SAMD8: variants seen among roughly 807,000 people sequenced by gnomAD.
The protein encoded by SAMD8 is sterile alpha motif domain containing 8, also known as sphingomyelin synthase-related protein 1.
A neutral mutation model predicts 42.0 loss-of-function variants in SAMD8; 20 were observed. The observed-to-expected ratio is 0.48, with a 90% confidence interval of 0.34 to 0.69. The LOEUF (loss-of-function observed/expected upper bound fraction) is 0.69. Ranked by LOEUF, SAMD8 falls within the 30% of genes least tolerant of loss-of-function variation. The pLI is 0.01. For synonymous variants in SAMD8, 162 were observed against 173.0 expected (o/e 0.94, Z 0.50); for missense variants, 328 against 511.6 (o/e 0.64, Z 3.46).
intron 1 of SAMD8, among the ~76,000 whole-genome samples, chr10:75,131,903 A>G (rs1411636063): frequency 6.6e-6 from 1 of 152,156 alleles, no homozygotes; most frequent in Non-Finnish European, 1.5e-5. Context: ...GGAGCTTTTT[A>G]AAAAATGCAG....
chr10:75,174,136 C>T (rs536102294), intron 4 of SAMD8, among the ~76,000 whole-genome samples: 29 of 152,024 alleles, frequency 1.9e-4, no homozygotes, highest in African/African-American at 7.0e-4. Flanking sequence ...TTTTTTGAGA[C>T]GGAGTCTCGC....
chr10:75,107,994 C>T (rs1291636623), upstream of SAMD8: 2 of 1,611,094 alleles, frequency 1.2e-6, no homozygotes, highest in South Asian at 1.1e-5. Context: ...AGTCCTACCC[C>T]CAGGCGTGTT....
At chr10:75,166,631 T>G (rs1420495859) in intron 3 of SAMD8, among the ~76,000 whole-genome samples, 2 of 152,192 alleles carry the variant, frequency 1.3e-5, no homozygotes, top group Non-Finnish European at 2.9e-5. Flanking sequence ...AGCCATATTC[T>G]CTCCCATTTT....
chr10:75,146,202 TG>T (rs1327134290), intron 1 of SAMD8, among the ~76,000 whole-genome samples: 1 of 150,534 alleles, frequency 6.6e-6, no homozygotes, highest in African/African-American at 2.4e-5. Context: ...GGCCGTAACC[TG>T]GGGCAGTAGG....
chr10:75,134,687 A>G (rs966209779), intron 1 of SAMD8, among the ~76,000 whole-genome samples: 2 of 152,152 alleles, frequency 1.3e-5, no homozygotes, highest in African/African-American at 4.8e-5. Context: ...TTTCTGTTGT[A>G]CAGTAGGGTG....
intron 1 of SAMD8, chr10:75,126,009 C>T (rs371630997): frequency 1.4e-4 from 21 of 152,178 alleles, no homozygotes; most frequent in African/African-American, 4.1e-4. Context: ...TTGTTATTCC[C>T]CTGTGCCTTT....
At chr10:75,124,986 G>A (rs897641140) in intron 1 of SAMD8, among the ~76,000 whole-genome samples, 3 of 151,628 alleles carry the variant, frequency 2.0e-5, no homozygotes, top group Non-Finnish European at 4.4e-5. Flanking sequence ...GGGATTTCAC[G>A]ATGTTGCCCA....
Position 75,177,046 on chromosome 10 carries a change from G to T in SAMD8, c.*354G>T, listed in dbSNP as rs1279974170. 5.5e-6 allele frequency: 1 copy of T among 181,734 alleles called. No individual in the cohort carries two copies. Among genetic ancestry groups the T allele is most frequent in the South Asian group, 1.5e-4 (1 of 6,724 alleles). The allele number at this position is 181,734 out of a possible 1,614,324, so 11.3% of individuals were successfully genotyped here. On this transcript the variant is annotated 3_prime_UTR_variant, in exon 6 of 6. Coordinates refer to ENST00000542569, the MANE Select transcript of SAMD8 (RefSeq NM_001174156.2). ...GTTGAGGAATTTTCATTGATTTCCAGTAGGGCTCTAGTCAAGAAATAATAT... is the reference window on the plus strand; with the variant it reads ...GTTGAGGAATTTTCATTGATTTCCATTAGGGCTCTAGTCAAGAAATAATAT...
At chr10:75,141,309 G>A (rs1197664557) in intron 1 of SAMD8, among the ~76,000 whole-genome samples, 5 of 150,932 alleles carry the variant, frequency 3.3e-5, no homozygotes, top group African/African-American at 4.9e-5. Flanking sequence ...AGCCGAGATC[G>A]TGCCACTGCA....
At chr10:75,128,353 G>A (rs1289785678) in intron 1 of SAMD8, among the ~76,000 whole-genome samples, 6 of 152,122 alleles carry the variant, frequency 3.9e-5, no homozygotes, top group South Asian at 2.1e-4. Flanking sequence ...GATTACAGGC[G>A]TGAGCCACCG....
chr10:75,111,594 C>A, upstream of SAMD8: 1 of 1,251,088 alleles, frequency 8.0e-7, no homozygotes, highest in Non-Finnish European at 1.0e-6. Context: ...CTCCGGCTCC[C>A]CGCCCCGGGC....
intron 2 of SAMD8, among the ~76,000 whole-genome samples, chr10:75,155,162 G>A (rs1589964717): frequency 6.6e-6 from 1 of 152,268 alleles, no homozygotes; most frequent in East Asian, 1.9e-4. Context: ...AAAGCACTGG[G>A]ATTGTAGGTG....
At chr10:75,160,402 T>A (rs1425618554) in intron 2 of SAMD8, among the ~76,000 whole-genome samples, 1 of 151,744 alleles carries the variant, frequency 6.6e-6, no homozygotes, top group African/African-American at 2.4e-5. Context: ...GGGACGGGGT[T>A]TCACTGTGTT....
intron 1 of SAMD8, among the ~76,000 whole-genome samples, chr10:75,122,519 A>C (rs1849027177): frequency 6.6e-6 from 1 of 151,916 alleles, no homozygotes; most frequent in South Asian, 2.1e-4. Flanking sequence ...AGGCTGAGGC[A>C]TGAGAATCAC....
At chr10:75,125,878 G>A (rs1266901907) in intron 1 of SAMD8, 3 of 152,152 alleles carry the variant, frequency 2.0e-5, no homozygotes, top group African/African-American at 4.8e-5. Context: ...ATAAGGAGCC[G>A]ACTCCTTAAG....
At chr10:75,120,206 A>C (rs1367067704) in intron 1 of SAMD8, among the ~76,000 whole-genome samples, 1 of 152,220 alleles carries the variant, frequency 6.6e-6, no homozygotes, top group East Asian at 1.9e-4. Context: ...CAATTCCCAA[A>C]CTGTACAGAA....
At chr10:75,127,081 C>T (rs928817186) in intron 1 of SAMD8, among the ~76,000 whole-genome samples, 6 of 149,950 alleles carry the variant, frequency 4.0e-5, no homozygotes, top group Admixed American at 2.7e-4. Flanking sequence ...CCCAACTACT[C>T]GGGAGGCTGA....
chr10:75,106,010 C>T (rs1848479743), intron 1 of SAMD8: 8 of 733,392 alleles, frequency 1.1e-5, no homozygotes, highest in African/African-American at 1.8e-5. Context: ...TTATGGACCT[C>T]AGTTTCCTGA....
chr10:75,108,734 T>C (rs2134401864), upstream of SAMD8, among the ~76,000 whole-genome samples: 1 of 152,322 alleles, frequency 6.6e-6, no homozygotes, highest in South Asian at 2.1e-4. Flanking sequence ...CCTGGGCCTC[T>C]GCCTCTACAC....
Sources: gnomAD v4.1 joint callset for allele counts (sites outside exome capture counted in the v4.1 genomes callset) on GRCh38, gnomAD v4.1.1 for gene constraint, MANE v1.5 for transcripts, NCBI Gene and HGNC (gene_info 2026-07-23, HGNC 2026-07-21) for gene names.